The following MYRIP variants were observed in gnomAD, a reference collection of about 807,000 sequenced individuals.
MYRIP encodes myosin VIIA and Rab interacting protein, also known as rab effector MyRIP.
A neutral mutation model predicts 98.0 loss-of-function variants in MYRIP; 49 were observed. The observed-to-expected ratio is 0.50, with a 90% CI of 0.40 to 0.63. MYRIP has a LOEUF of 0.63. Among genes scored for constraint, MYRIP ranks in the 30% least tolerant of loss-of-function variants. MYRIP has a pLI of 0.00. For missense variants in MYRIP, 1,004 were observed against 1,058.2 expected (o/e 0.95, Z 0.71); for synonymous variants, 404 against 409.5 (o/e 0.99, Z 0.16).
intron 2 of MYRIP, among the ~76,000 whole-genome samples, chr3:39,932,277 C>T (rs183952828): frequency 7.9e-5 from 12 of 152,174 alleles, no homozygotes; most frequent in East Asian, 7.7e-4. Flanking sequence ...ATGTTTAAAG[C>T]GACATCATAG....
At chr3:40,197,865 A>C (rs188396568) in intron 10 of MYRIP, among the ~76,000 whole-genome samples, 1 of 152,174 alleles carries the variant, frequency 6.6e-6, no homozygotes, top group African/African-American at 2.4e-5. Flanking sequence ...GGATAATGCT[A>C]TTCCCACTCT....
intron 9 of MYRIP, 25 bp from the exon 10 acceptor site, chr3:40,189,801 C>A: frequency 6.4e-7 from 1 of 1,572,516 alleles, no homozygotes; most frequent in Non-Finnish European, 8.6e-7. Context: ...CCCCTCTCTG[C>A]TTTCTCTATC....
In MYRIP at chr3:39,973,854, A is replaced by C. The variant is rs1216281351; in HGVS notation, c.111-70196A>C. Among the ~76,000 whole-genome samples the C allele has an allele frequency of 3.3e-5, 5 of 152,352 alleles. No homozygotes were observed. In the East Asian group the frequency reaches 7.7e-4, roughly 23 times the overall value. On this transcript the variant is annotated intron_variant, in intron 2 of 16. Transcript: ENST00000302541. The stretch of plus-strand genomic sequence containing the variant: ...ATAAAGATGTTCTTTGAAACCAATA[A>C]GAACAAAGACGCAACGTACCAGAAT...
chr3:39,885,894 T>C (rs1183761669), intron 1 of MYRIP, among the ~76,000 whole-genome samples: 1 of 151,938 alleles, frequency 6.6e-6, no homozygotes, highest in Non-Finnish European at 1.5e-5. Context: ...AGTTATACAT[T>C]CTTCTAAATT....
intron 2 of MYRIP, among the ~76,000 whole-genome samples, chr3:39,981,406 A>T (rs113492220): frequency 5.3e-5 from 8 of 152,144 alleles, no homozygotes; most frequent in African/African-American, 1.9e-4. Flanking sequence ...AAATACTAGT[A>T]CTTCTTTTGT....
At chr3:40,018,183 T>G (rs1385817266) in intron 2 of MYRIP, among the ~76,000 whole-genome samples, 6 of 152,248 alleles carry the variant, frequency 3.9e-5, no homozygotes, top group Non-Finnish European at 2.9e-5. Context: ...ACAGATTTCT[T>G]GGTTTCATCA....
chr3:39,845,572 A>G (rs1941939206), intron 1 of MYRIP, among the ~76,000 whole-genome samples: 2 of 152,200 alleles, frequency 1.3e-5, no homozygotes, highest in Admixed American at 1.3e-4. Flanking sequence ...ATTTAGTACG[A>G]ATAGTTGACA....
At chr3:40,171,053 C>G (rs1950601329) in intron 8 of MYRIP, among the ~76,000 whole-genome samples, 1 of 152,108 alleles carries the variant, frequency 6.6e-6, no homozygotes, top group Non-Finnish European at 1.5e-5. Flanking sequence ...ATGGCTTTAT[C>G]AGAGATGAAA....
At chr3:39,881,856 TC>T (rs1159982929) in intron 1 of MYRIP, among the ~76,000 whole-genome samples, 28 of 152,112 alleles carry the variant, frequency 1.8e-4, no homozygotes, top group African/African-American at 6.5e-4. Context: ...CCTACGTACT[TC>T]CATCTTTTAA....
chr3:40,160,587 C>G (rs1425751599), intron 4 of MYRIP, among the ~76,000 whole-genome samples: 1 of 152,224 alleles, frequency 6.6e-6, no homozygotes, highest in African/African-American at 2.4e-5. Context: ...GCGCCCCTCC[C>G]CCAGCCTCGC....
At chr3:39,822,259 G>C (rs770985843) in intron 1 of MYRIP, among the ~76,000 whole-genome samples, 4 of 152,154 alleles carry the variant, frequency 2.6e-5, no homozygotes, top group Non-Finnish European at 5.9e-5. Context: ...GATCAGATCA[G>C]GGTAATTTGC....
chr3:40,025,946 G>C (rs1040437297), intron 2 of MYRIP, among the ~76,000 whole-genome samples: 1 of 152,230 alleles, frequency 6.6e-6, no homozygotes, highest in South Asian at 2.1e-4. Context: ...AGCTGTGCAC[G>C]TATTGTCTTG....
chr3:40,205,942 C>T (rs532206728), intron 10 of MYRIP, among the ~76,000 whole-genome samples: 5 of 152,258 alleles, frequency 3.3e-5, no homozygotes, highest in African/African-American at 1.2e-4. Context: ...TCAATCAACA[C>T]GTACCCCTCT....
Position 39,881,957 on chromosome 3 carries a change from C to T in MYRIP, c.-30-18830C>T, listed in dbSNP as rs572717652. Reference sequence around the variant, plus strand: ...TTAAATGACTTTTGAGGGTTTTTTTCCCATCTTTTTTCTAGAGTTTTGAGA... The same window carrying T: ...TTAAATGACTTTTGAGGGTTTTTTTTCCATCTTTTTTCTAGAGTTTTGAGA... On this transcript the variant is annotated intron_variant, in intron 1 of 16. Coordinates refer to ENST00000302541, the MANE Select transcript of MYRIP (RefSeq NM_015460.4). Among the ~76,000 whole-genome samples, 8 of 151,474 alleles carry T rather than the reference C, an allele frequency of 5.3e-5. No homozygotes were observed. The South Asian group carries it at 1.3e-3, about 24-fold the overall frequency.
At chr3:39,817,738 G>A (rs1940968160) in intron 1 of MYRIP, among the ~76,000 whole-genome samples, 1 of 152,070 alleles carries the variant, frequency 6.6e-6, no homozygotes, top group African/African-American at 2.4e-5. Flanking sequence ...GTGCTCAGTA[G>A]CCGCATGTAT....
intron 2 of MYRIP, among the ~76,000 whole-genome samples, chr3:40,014,770 G>T (rs9870302): frequency 0.096 from 14,646 of 152,178 alleles, 1,247 homozygotes; most frequent in African/African-American, 0.22. Context: ...ACATTTTGTT[G>T]GATCCATGTA....
chr3:40,111,728 C>T (rs531119211), intron 3 of MYRIP, among the ~76,000 whole-genome samples: 1 of 152,014 alleles, frequency 6.6e-6, no homozygotes, highest in African/African-American at 2.4e-5. Flanking sequence ...TTGGAGATCC[C>T]TGTAGATTTC....
intron 1 of MYRIP, among the ~76,000 whole-genome samples, chr3:39,832,182 A>G (rs1941470582): frequency 6.6e-6 from 1 of 152,154 alleles, no homozygotes; most frequent in Non-Finnish European, 1.5e-5. Context: ...TTCCTTTCTG[A>G]ATAGGGAGGA....
intron 4 of MYRIP, among the ~76,000 whole-genome samples, chr3:40,156,751 A>C (rs942106221): frequency 6.6e-6 from 1 of 151,790 alleles, no homozygotes; most frequent in African/African-American, 2.4e-5. Flanking sequence ...TTCTCTTTGA[A>C]GCAATTGTGA....
Sources: allele counts gnomAD v4.1 joint callset (sites outside exome capture counted in the v4.1 genomes callset), GRCh38; gene constraint gnomAD v4.1.1; transcripts MANE v1.5; gene names NCBI Gene and HGNC (gene_info 2026-07-23, HGNC 2026-07-21).